The following FYB1 variants were observed in gnomAD, a reference collection of about 807,000 sequenced individuals.
The protein encoded by FYB1 is FYN binding protein 1, also known as FYN-binding protein 1.
A neutral mutation model predicts 94.1 loss-of-function variants in FYB1; 41 were observed. The observed-to-expected ratio is 0.44, with a 90% CI of 0.34 to 0.57. The LOEUF (loss-of-function observed/expected upper bound fraction) is 0.57, where lower values mean the gene tolerates loss of function less well. FYB1 is among the 20% of genes least tolerant of loss of function. FYB1 has a pLI of 0.02. For synonymous variants in FYB1, 367 were observed against 353.2 expected (o/e 1.04, Z -0.44); for missense variants, 1,050 against 976.8 (o/e 1.07, Z -1.00).
intron 7 of FYB1, 35 bp from the exon 8 acceptor site, chr5:39,135,049 C>T (rs745863393): frequency 3.1e-6 from 5 of 1,601,564 alleles, no homozygotes; most frequent in Admixed American, 1.7e-5. Flanking sequence ...AAAAGATTTC[C>T]TTATAATTTA....
In FYB1 at chr5:39,236,833, A is replaced by C. The variant is rs115570332; in HGVS notation, c.-27-33846T>G. 7.7e-3 allele frequency among the ~76,000 whole-genome samples: 1,172 copies of C among 152,196 alleles called. 24 individuals carry two copies. Among genetic ancestry groups the C allele is most frequent in the African/African-American group, 0.027 (1,109 of 41,538 alleles). ...GGCCAAATTGCTTGACCTGAGTTTC[A>C]ATGTTGTCATCTATCAAACAGAGAT... On this transcript the variant is annotated intron_variant, in intron 1 of 1. Transcript: ENST00000510188.
At chr5:39,129,004 G>T (rs1296090393) in intron 10 of FYB1, among the ~76,000 whole-genome samples, 1 of 151,968 alleles carries the variant, frequency 6.6e-6, no homozygotes, top group African/African-American at 2.4e-5. Flanking sequence ...ATAAAAAAGA[G>T]CATTAATAGC....
intron 1 of FYB1, among the ~76,000 whole-genome samples, chr5:39,212,275 T>A (rs572218888): frequency 2.0e-5 from 3 of 152,036 alleles, no homozygotes; most frequent in Admixed American, 2.0e-4. Context: ...ACCACTGTAC[T>A]CTAGCCTGGG....
intron 2 of FYB1, among the ~76,000 whole-genome samples, chr5:39,182,417 T>C (rs952571460): frequency 6.6e-6 from 1 of 152,000 alleles, no homozygotes; most frequent in Non-Finnish European, 1.5e-5. Context: ...AGAGGTACTG[T>C]GCAGGTGCCT....
At chr5:39,121,713 A>C (rs898801585) in intron 14 of FYB1, among the ~76,000 whole-genome samples, 2 of 151,718 alleles carry the variant, frequency 1.3e-5, no homozygotes, top group Non-Finnish European at 2.9e-5. Flanking sequence ...TCCAAAAGGC[A>C]CTCCTTTTGT....
At chr5:39,227,384 A>ATGTTCG (rs1462742847) in intron 1 of FYB1, among the ~76,000 whole-genome samples, 3 of 152,158 alleles carry the variant, frequency 2.0e-5, no homozygotes, top group Non-Finnish European at 4.4e-5. Flanking sequence ...AAACTAGAGA[A>ATGTTCG]TGTTCGTATT....
intron 1 of FYB1, among the ~76,000 whole-genome samples, chr5:39,230,784 G>A (rs1046352426): frequency 2.7e-5 from 4 of 150,668 alleles, no homozygotes; most frequent in African/African-American, 9.8e-5. Flanking sequence ...AAACCCAACT[G>A]GACAGGGTAC....
Position 39,122,359 on chromosome 5 carries a change from G to A in FYB1, c.2115C>T (p.Phe705=), listed in dbSNP as rs745632471. The change falls in exon 14 of 19, where the codon TTC becomes TTT. Residue 705 remains phenylalanine (F), a synonymous_variant. Transcript: ENST00000512982. ...ACCTCATCTCTGCTGATGAAACAGG[G>A]AAATCAGAGGTATCCACATCATCGT... ...EVYDDVDTSD[F]PVSSAEMSQG... is the part of the protein sequence containing the mutation. The A allele has an allele frequency of 1.3e-6, 2 of 1,578,384 alleles. No individual in the cohort carries two copies. The highest frequency in any genetic ancestry group is 2.3e-5 in the East Asian group (1 of 44,002).
chr5:39,126,237 C>T (rs1202226118), intron 11 of FYB1, 102 bp from the exon 12 acceptor site: 6 of 1,231,916 alleles, frequency 4.9e-6, no homozygotes, highest in Non-Finnish European at 6.7e-6. Context: ...ATTACGGCCA[C>T]ATTAATCATT....
chr5:39,245,601 G>A (rs1427583892), intron 1 of FYB1, among the ~76,000 whole-genome samples: 2 of 135,330 alleles, frequency 1.5e-5, no homozygotes, highest in Non-Finnish European at 3.0e-5. Context: ...AGAGGAAGAG[G>A]CTTTTTTTTT....
intron 2 of FYB1, among the ~76,000 whole-genome samples, chr5:39,159,571 C>T (rs997869311): frequency 9.2e-5 from 14 of 152,180 alleles, no homozygotes; most frequent in Admixed American, 3.3e-4. Flanking sequence ...GCCTTCCTCA[C>T]GTACTACAGA....
chr5:39,234,963 G>A (rs1750896835), intron 1 of FYB1, among the ~76,000 whole-genome samples: 1 of 151,774 alleles, frequency 6.6e-6, no homozygotes, highest in African/African-American at 2.4e-5. Flanking sequence ...CCTAGATGAT[G>A]GGTTGATGGG....
At chr5:39,272,670 C>CAAAA (rs1195291951) in intron 1 of FYB1, among the ~76,000 whole-genome samples, 11 of 70,850 alleles carry the variant, frequency 1.6e-4, no homozygotes, top group Non-Finnish European at 2.1e-4. Flanking sequence ...AGACTCATCT[C>CAAAA]AAAAAAAAAA....
chr5:39,249,275 CA>C (rs1751616624), intron 1 of FYB1, among the ~76,000 whole-genome samples: 2 of 152,238 alleles, frequency 1.3e-5, no homozygotes, highest in Admixed American at 1.3e-4. Context: ...GGCCAGATGT[CA>C]GCAAACATTT....
At chr5:39,228,377 A>ACAT (rs1388905633) in intron 1 of FYB1, among the ~76,000 whole-genome samples, 1 of 152,232 alleles carries the variant, frequency 6.6e-6, no homozygotes, top group African/African-American at 2.4e-5. Context: ...AGTGATGAAT[A>ACAT]CATTGTTGTT....
chr5:39,141,017 A>G, intron 4 of FYB1, 78 bp downstream of exon 4: 1 of 944,912 alleles, frequency 1.1e-6, no homozygotes, highest in South Asian at 1.4e-5. Flanking sequence ...CCCATTAATG[A>G]GCCTATAAGA....
chr5:39,181,801 C>T (rs539179850), intron 2 of FYB1, among the ~76,000 whole-genome samples: 28 of 152,178 alleles, frequency 1.8e-4, no homozygotes, highest in Non-Finnish European at 3.7e-4. Flanking sequence ...AACCTCTTTT[C>T]TCATCTCCAT....
chr5:39,195,947 GA>G (rs1201362471), intron 2 of FYB1, among the ~76,000 whole-genome samples: 2 of 147,028 alleles, frequency 1.4e-5, no homozygotes, highest in African/African-American at 2.5e-5. Context: ...TTGTTCTTAG[GA>G]AAAAAAAATT....
intron 17 of FYB1, 76 bp from the exon 18 acceptor site, chr5:39,108,338 G>GT (rs1738719568): frequency 7.9e-7 from 1 of 1,259,212 alleles, no homozygotes; most frequent in Non-Finnish European, 1.1e-6. Flanking sequence ...GAAGAATAGA[G>GT]TAACAGTATA....
Sources: gnomAD v4.1 joint callset for allele counts (sites outside exome capture counted in the v4.1 genomes callset) on GRCh38, gnomAD v4.1.1 for gene constraint, MANE v1.5 for transcripts, NCBI Gene and HGNC (gene_info 2026-07-23, HGNC 2026-07-21) for gene names.